OSBPL10: variants seen among roughly 807,000 people sequenced by gnomAD.
OSBPL10 encodes oxysterol binding protein like 10.
A neutral mutation model predicts 81.7 loss-of-function variants in OSBPL10; 49 were observed. The observed-to-expected ratio is 0.60, with a 90% confidence interval of 0.48 to 0.76. The LOEUF (loss-of-function observed/expected upper bound fraction) is 0.76, where lower values mean the gene tolerates loss of function less well. OSBPL10 is among the 30% of genes least tolerant of loss of function. The pLI is 0.00. For missense variants in OSBPL10, 923 were observed against 987.8 expected (o/e 0.93, Z 0.88); for synonymous variants, 419 against 383.6 (o/e 1.09, Z -1.08).
At chr3:32,051,558 C>A (rs1247623934) in intron 1 of OSBPL10, among the ~76,000 whole-genome samples, 1 of 152,154 alleles carries the variant, frequency 6.6e-6, no homozygotes, top group African/African-American at 2.4e-5. Context: ...GGGAAATGGG[C>A]TAGTTCCCTC....
At chr3:31,691,251 A>G (rs7649547) in intron 7 of OSBPL10, among the ~76,000 whole-genome samples, 1 of 152,036 alleles carries the variant, frequency 6.6e-6, no homozygotes, top group Non-Finnish European at 1.5e-5. Context: ...TCAATCTAAA[A>G]GTAAATAACC....
intron 1 of OSBPL10, among the ~76,000 whole-genome samples, chr3:31,966,415 A>G (rs1021893870): frequency 1.3e-5 from 2 of 151,810 alleles, no homozygotes; most frequent in Non-Finnish European, 2.9e-5. Context: ...AACTATATAT[A>G]AAGTGAAAAA....
At chr3:32,027,124 C>T (rs1018092459) in intron 2 of OSBPL10, among the ~76,000 whole-genome samples, 45 of 151,970 alleles carry the variant, frequency 3.0e-4, no homozygotes, top group African/African-American at 1.1e-3. Flanking sequence ...TGGTTTGCTG[C>T]ACCCATCAAC....
rs71097447 is a variant in OSBPL10 at position 31,822,913 on chromosome 3, T to TAAAA, written c.729+7123_729+7126dup. On this transcript the variant is annotated intron_variant, in intron 4 of 11. Transcript: ENST00000396556. ...TCCAACAGAGTGAGACCCCCAACTC[T>TAAAA]AAAAAAAAAAAAAAAGTTAAAATAG... 9.5e-4 allele frequency among the ~76,000 whole-genome samples: 85 copies of TAAAA among 89,096 alleles called. 4 individuals carry two copies. In the East Asian group the frequency reaches 0.025, roughly 26 times the overall value. 58.5% of individuals were successfully genotyped at this position (89,096 alleles called of 152,430 possible).
At chr3:32,018,669 G>T (rs929100655) in intron 2 of OSBPL10, among the ~76,000 whole-genome samples, 2 of 152,092 alleles carry the variant, frequency 1.3e-5, no homozygotes, top group African/African-American at 4.8e-5. Flanking sequence ...TCACACCACT[G>T]CCCTCCAGCC....
At chr3:31,715,013 C>T (rs1337364632) in intron 6 of OSBPL10, 2 of 151,132 alleles carry the variant, frequency 1.3e-5, no homozygotes, top group African/African-American at 4.9e-5. Flanking sequence ...CAGTTGCTTC[C>T]CACTGCCCAG....
chr3:31,908,458 A>C (rs1696479681), intron 1 of OSBPL10, among the ~76,000 whole-genome samples: 1 of 152,178 alleles, frequency 6.6e-6, no homozygotes, highest in African/African-American at 2.4e-5. Flanking sequence ...ACACAACTGG[A>C]AGAGCCACCC....
chr3:31,882,782 T>C (rs1695621610), intron 1 of OSBPL10, among the ~76,000 whole-genome samples: 1 of 151,944 alleles, frequency 6.6e-6, no homozygotes, highest in African/African-American at 2.4e-5. Flanking sequence ...AACACCCACA[T>C]CAGACCACTA....
At chr3:31,845,266 A>T (rs1456804272) in intron 3 of OSBPL10, among the ~76,000 whole-genome samples, 1 of 152,170 alleles carries the variant, frequency 6.6e-6, no homozygotes, top group Admixed American at 6.6e-5. Context: ...GCCACAAGGT[A>T]TGTGGAACAT....
At chr3:31,974,983 C>T (rs1698655406) in intron 1 of OSBPL10, among the ~76,000 whole-genome samples, 1 of 152,054 alleles carries the variant, frequency 6.6e-6, no homozygotes, top group African/African-American at 2.4e-5. Flanking sequence ...CTTGGGAAAA[C>T]AGACAAGAGA....
intron 2 of OSBPL10, among the ~76,000 whole-genome samples, chr3:32,039,975 T>A (rs1559553591): frequency 6.6e-6 from 1 of 152,174 alleles, no homozygotes; most frequent in African/African-American, 2.4e-5. Context: ...GAACAATGAA[T>A]CTTGACCAAG....
intron 2 of OSBPL10, among the ~76,000 whole-genome samples, chr3:32,014,969 T>C (rs1243560349): frequency 1.3e-5 from 2 of 152,320 alleles, no homozygotes; most frequent in East Asian, 1.9e-4. Context: ...TGGAAGAACA[T>C]TTCCTGCTCA....
chr3:31,989,134 C>T (rs776749404), intron 2 of OSBPL10: 4 of 1,614,030 alleles, frequency 2.5e-6, no homozygotes, highest in African/African-American at 1.3e-5. Flanking sequence ...AGGCATGGCT[C>T]TTCCTCAGGG....
At chr3:32,068,304 C>T (rs139087080) in intron 1 of OSBPL10, among the ~76,000 whole-genome samples, 2,308 of 152,124 alleles carry the variant, frequency 0.015, 64 homozygotes, top group African/African-American at 0.052. Context: ...GTCTGATCAC[C>T]GCAGGGATGC....
At chr3:32,001,809 A>C (rs371056262) in intron 2 of OSBPL10, among the ~76,000 whole-genome samples, 7 of 152,080 alleles carry the variant, frequency 4.6e-5, no homozygotes, top group African/African-American at 1.7e-4. Context: ...ATATCCCCAG[A>C]GGGTCCCCAG....
intron 1 of OSBPL10, among the ~76,000 whole-genome samples, chr3:31,956,244 T>A (rs529065535): frequency 9.2e-5 from 14 of 152,290 alleles, no homozygotes; most frequent in African/African-American, 3.4e-4. Flanking sequence ...AACTCTTTAG[T>A]ACAGGAGAGT....
intron 1 of OSBPL10, among the ~76,000 whole-genome samples, chr3:32,072,851 A>G (rs1699841983): frequency 6.6e-6 from 1 of 152,094 alleles, no homozygotes; most frequent in South Asian, 2.1e-4. Context: ...CCGCGGTCCT[A>G]TCTTCCTTTT....
At chr3:31,755,518 C>G (rs1230124823) in intron 4 of OSBPL10, among the ~76,000 whole-genome samples, 1 of 152,212 alleles carries the variant, frequency 6.6e-6, no homozygotes, top group Non-Finnish European at 1.5e-5. Flanking sequence ...TTGCTTTGGA[C>G]TTCATGGTGT....
intron 4 of OSBPL10, chr3:31,797,824 G>A (rs779486622): frequency 4.4e-6 from 2 of 456,334 alleles, no homozygotes; most frequent in Non-Finnish European, 8.8e-6. Flanking sequence ...ACATGTTGTT[G>A]AGCATACAAG....
Sources: gnomAD v4.1 joint callset for allele counts (sites outside exome capture counted in the v4.1 genomes callset) on GRCh38, gnomAD v4.1.1 for gene constraint, MANE v1.5 for transcripts, NCBI Gene and HGNC (gene_info 2026-07-23, HGNC 2026-07-21) for gene names.